Variants in SNTG1 observed in about 807,000 individuals in gnomAD.
The protein encoded by SNTG1 is syntrophin gamma 1.
A neutral mutation model predicts 74.7 loss-of-function variants in SNTG1; 39 were observed. The observed-to-expected ratio is 0.52, with a 90% confidence interval of 0.40 to 0.68. The LOEUF (loss-of-function observed/expected upper bound fraction) is 0.68, where lower values mean the gene tolerates loss of function less well. SNTG1 is among the 30% of genes least tolerant of loss of function. The probability of loss-of-function intolerance (pLI) is 0.00; values close to 1 mark genes in which losing one functional copy is unlikely to be tolerated. For missense variants in SNTG1, 685 were observed against 609.5 expected (o/e 1.12, Z -1.30); for synonymous variants, 254 against 217.1 (o/e 1.17, Z -1.49).
chr8:50,416,018 T>C (rs1014454315), intron 4 of SNTG1, among the ~76,000 whole-genome samples: 1 of 152,184 alleles, frequency 6.6e-6, no homozygotes, highest in African/African-American at 2.4e-5. Flanking sequence ...TCCACTTTTC[T>C]TTGTAGCTTA....
chr8:50,458,546 A>C (rs2093529660), intron 8 of SNTG1, among the ~76,000 whole-genome samples: 1 of 152,186 alleles, frequency 6.6e-6, no homozygotes, highest in Non-Finnish European at 1.5e-5. Context: ...TAAAAGGAGC[A>C]TCCATTATCA....
chr8:50,050,584 C>T (rs1434590043), intron 1 of SNTG1, among the ~76,000 whole-genome samples: 1 of 151,942 alleles, frequency 6.6e-6, no homozygotes, highest in African/African-American at 2.4e-5. Flanking sequence ...AGTACAGATG[C>T]TTAATTGATA....
intron 4 of SNTG1, among the ~76,000 whole-genome samples, chr8:50,437,053 A>G (rs768093350): frequency 3.7e-4 from 56 of 152,308 alleles, no homozygotes; most frequent in Non-Finnish European, 2.9e-4. Context: ...ATTGTTATAC[A>G]CATAGAAACT....
chr8:50,790,405 A>G (rs2095687586), intron 18 of SNTG1, among the ~76,000 whole-genome samples: 2 of 151,976 alleles, frequency 1.3e-5, no homozygotes, highest in Admixed American at 1.3e-4. Flanking sequence ...CATGATGATC[A>G]TAAGACTTTT....
intron 17 of SNTG1, among the ~76,000 whole-genome samples, chr8:50,731,245 G>A (rs547302574): frequency 1.3e-5 from 2 of 152,042 alleles, no homozygotes; most frequent in South Asian, 4.2e-4. Flanking sequence ...TGGAGAAGAG[G>A]GCACAAAAGG....
intron 1 of SNTG1, among the ~76,000 whole-genome samples, chr8:49,972,270 A>G (rs190446988): frequency 0.015 from 2,320 of 152,316 alleles, 26 homozygotes; most frequent in Non-Finnish European, 0.023. Flanking sequence ...TGAGGAAAGG[A>G]TTCTCTATTT....
intron 1 of SNTG1, among the ~76,000 whole-genome samples, chr8:50,004,905 T>C (rs1480623580): frequency 6.6e-6 from 1 of 151,988 alleles, no homozygotes; most frequent in Non-Finnish European, 1.5e-5. Context: ...ATGAACAAAG[T>C]TGGTGTTTGT....
intron 2 of SNTG1, among the ~76,000 whole-genome samples, chr8:50,380,193 C>A (rs2092457841): frequency 6.6e-6 from 1 of 152,152 alleles, no homozygotes; most frequent in African/African-American, 2.4e-5. Flanking sequence ...TAGTTGACTC[C>A]AAGGTACATA....
At chr8:50,033,506 C>T (rs772654060) in intron 1 of SNTG1, among the ~76,000 whole-genome samples, 6 of 152,278 alleles carry the variant, frequency 3.9e-5, no homozygotes, top group Middle Eastern at 3.4e-3. Flanking sequence ...ACAAACACCA[C>T]GGACTGAGCA....
chr8:50,043,356 G>T (rs11987017), intron 1 of SNTG1, among the ~76,000 whole-genome samples: 16,174 of 152,166 alleles, frequency 0.11, 2,199 homozygotes, highest in African/African-American at 0.31. Context: ...AATTAAATTA[G>T]GATTTTTTGA....
chr8:50,055,712 C>T (rs1428049495), intron 1 of SNTG1, among the ~76,000 whole-genome samples: 2 of 152,092 alleles, frequency 1.3e-5, no homozygotes, highest in African/African-American at 2.4e-5. Context: ...CCTCTCCCCT[C>T]GCCAGTCAGT....
rs555083403 is a variant in SNTG1, at chr8:49,983,939, A to G, written c.-103+71708A>G. 5.3e-5 allele frequency among the ~76,000 whole-genome samples: 8 copies of G among 152,162 alleles called. No individual in the cohort carries two copies. In the East Asian group the frequency reaches 1.5e-3, roughly 29 times the overall value. Reference sequence around the variant, plus strand: ...GTGGCCTTGGTAGGATTTAACTTTCATGGATGTGCCAGTTCAGTTTATTAC... The same window carrying G: ...GTGGCCTTGGTAGGATTTAACTTTCGTGGATGTGCCAGTTCAGTTTATTAC... On this transcript the variant is annotated intron_variant, in intron 1 of 18. Transcript: ENST00000642720.
At chr8:50,779,813 A>C (rs1052707618) in intron 18 of SNTG1, among the ~76,000 whole-genome samples, 3 of 152,186 alleles carry the variant, frequency 2.0e-5, no homozygotes, top group South Asian at 4.1e-4. Context: ...AGTTTTTGCC[A>C]ATTCAGTATA....
intron 13 of SNTG1, among the ~76,000 whole-genome samples, chr8:50,607,150 A>C (rs2094818590): frequency 6.6e-6 from 1 of 151,832 alleles, no homozygotes; most frequent in African/African-American, 2.4e-5. Flanking sequence ...TTACATGTGA[A>C]TATTTGGAAG....
chr8:50,156,254 A>G (rs1009691412), intron 1 of SNTG1, among the ~76,000 whole-genome samples: 1 of 152,132 alleles, frequency 6.6e-6, no homozygotes, highest in Admixed American at 6.5e-5. Flanking sequence ...CAAGGAGAGG[A>G]AACATTCCCA....
At chr8:49,909,822 G>C (rs993064747), upstream of SNTG1, 2 of 152,360 alleles carry the variant, frequency 1.3e-5, no homozygotes, top group South Asian at 2.1e-4. Flanking sequence ...CCGCGGTGGC[G>C]GCTGGTGGCC....
At chr8:50,706,268 ATAT>A in intron 16 of SNTG1, among the ~76,000 whole-genome samples, 1 of 152,280 alleles carries the variant, frequency 6.6e-6, no homozygotes, top group South Asian at 2.1e-4. Context: ...AAAAAAATAG[ATAT>A]TATATCAAAA....
intron 8 of SNTG1, among the ~76,000 whole-genome samples, chr8:50,484,141 T>TTTCTTTCTTCCTTTCTTTCC (rs2093766519): frequency 2.2e-5 from 2 of 92,786 alleles, no homozygotes; most frequent in Non-Finnish European, 4.5e-5. Flanking sequence ...TCTTTCCTTC[T>TTTCTTTCTTCCTTTCTTTCC]TTCTTTCTTT....
At chr8:49,984,040 G>A (rs1041825792) in intron 1 of SNTG1, among the ~76,000 whole-genome samples, 4 of 152,014 alleles carry the variant, frequency 2.6e-5, no homozygotes, top group African/African-American at 9.7e-5. Flanking sequence ...GTTTTCTTTT[G>A]TGACATTTTA....
Sources: allele counts gnomAD v4.1 joint callset (sites outside exome capture counted in the v4.1 genomes callset), GRCh38; gene constraint gnomAD v4.1.1; transcripts MANE v1.5; gene names NCBI Gene and HGNC (gene_info 2026-07-23, HGNC 2026-07-21).